The following PTPRG variants were observed in gnomAD, a reference collection of about 807,000 sequenced individuals.
PTPRG encodes protein tyrosine phosphatase receptor type G, also known as receptor-type tyrosine-protein phosphatase gamma.
A neutral mutation model predicts 165.3 loss-of-function variants in PTPRG; 102 were observed. The ratio of observed to expected loss-of-function variants is 0.62; its 90% CI spans 0.53 to 0.73. The LOEUF (loss-of-function observed/expected upper bound fraction) is 0.73, where lower values mean the gene tolerates loss of function less well. Ranked by LOEUF, PTPRG falls within the 30% of genes least tolerant of loss-of-function variation. The pLI, the probability that PTPRG is intolerant of heterozygous loss-of-function variation, is 0.00. For synonymous variants in PTPRG, 675 were observed against 669.5 expected, an observed-to-expected ratio of 1.01 and a Z score of -0.13; for missense variants, 1,866 against 1,861.4, an observed-to-expected ratio of 1.00 and a Z score of -0.05.
At chr3:62,096,432 T>C (rs1702110559) in intron 5 of PTPRG, among the ~76,000 whole-genome samples, 1 of 152,206 alleles carries the variant, frequency 6.6e-6, no homozygotes, top group South Asian at 2.1e-4. Flanking sequence ...CTGTCGTCTT[T>C]ATTTCTTGTT....
intron 5 of PTPRG, among the ~76,000 whole-genome samples, chr3:62,102,491 C>T (rs1310149370): frequency 2.0e-5 from 3 of 151,902 alleles, no homozygotes; most frequent in African/African-American, 7.3e-5. Flanking sequence ...CAGGCTGGTC[C>T]CGAACTCCTG....
At chr3:61,911,363 T>G (rs17065596) in intron 2 of PTPRG, among the ~76,000 whole-genome samples, 3,312 of 152,194 alleles carry the variant, frequency 0.022, 136 homozygotes, top group African/African-American at 0.076. Context: ...GATAAAAGAG[T>G]AGGCAAATTA....
intron 6 of PTPRG, among the ~76,000 whole-genome samples, chr3:62,134,207 C>T (rs1703623614): frequency 6.6e-6 from 1 of 152,132 alleles, no homozygotes; most frequent in African/African-American, 2.4e-5. Context: ...GGGAGGGTTG[C>T]CAAGATGCCC....
chr3:61,992,491 C>T (rs575892148), intron 3 of PTPRG, among the ~76,000 whole-genome samples: 1 of 152,098 alleles, frequency 6.6e-6, no homozygotes. Flanking sequence ...GCCTGAGTAA[C>T]TGGGATTACA....
At chr3:62,024,776 T>G (rs1237016300) in intron 4 of PTPRG, among the ~76,000 whole-genome samples, 2 of 152,228 alleles carry the variant, frequency 1.3e-5, no homozygotes, top group Non-Finnish European at 2.9e-5. Flanking sequence ...TGAATTTACT[T>G]AAATCAGTAG....
At chr3:61,875,090 A>G (rs1462276860) in intron 2 of PTPRG, among the ~76,000 whole-genome samples, 9 of 152,210 alleles carry the variant, frequency 5.9e-5, no homozygotes, top group Non-Finnish European at 1.2e-4. Flanking sequence ...AGGGAGATTC[A>G]GAGTGGATAA....
chr3:61,984,032 T>C (rs1268617984), intron 2 of PTPRG, among the ~76,000 whole-genome samples: 1 of 152,166 alleles, frequency 6.6e-6, no homozygotes, highest in Non-Finnish European at 1.5e-5. Flanking sequence ...AGATTTACAG[T>C]ATTTGCCATT....
chr3:61,592,321 A>C (rs1268512359), intron 1 of PTPRG, among the ~76,000 whole-genome samples: 1 of 152,028 alleles, frequency 6.6e-6, no homozygotes, highest in Non-Finnish European at 1.5e-5. Flanking sequence ...TTTTGTGCGG[A>C]GACTGTAAAG....
intron 4 of PTPRG, among the ~76,000 whole-genome samples, chr3:62,026,912 C>T (rs1337508154): frequency 8.7e-6 from 1 of 114,450 alleles, no homozygotes; most frequent in Non-Finnish European, 1.9e-5. Flanking sequence ...GAAAATTCTG[C>T]TTAGATTGTT....
intron 2 of PTPRG, among the ~76,000 whole-genome samples, chr3:61,797,086 A>G (rs896375011): frequency 6.6e-6 from 1 of 152,220 alleles, no homozygotes; most frequent in African/African-American, 2.4e-5. Flanking sequence ...GCCAGCCGGC[A>G]CAGAAATGTT....
chr3:62,096,414 A>G (rs965511659), intron 5 of PTPRG, among the ~76,000 whole-genome samples: 5 of 151,708 alleles, frequency 3.3e-5, no homozygotes, highest in African/African-American at 7.3e-5. Context: ...CTCATTTGAT[A>G]TTTTCTCCTG....
chr3:61,866,980 G>T (rs1030076985), intron 2 of PTPRG, among the ~76,000 whole-genome samples: 3 of 152,152 alleles, frequency 2.0e-5, no homozygotes, highest in Non-Finnish European at 2.9e-5. Context: ...GTTCAGGGAA[G>T]GGTTTGACAG....
intron 4 of PTPRG, among the ~76,000 whole-genome samples, chr3:62,055,659 C>T (rs1700609288): frequency 6.6e-6 from 1 of 152,168 alleles, no homozygotes; most frequent in Admixed American, 6.5e-5. Flanking sequence ...TTGGTTCCTT[C>T]TGAGGGCTGT....
intron 2 of PTPRG, among the ~76,000 whole-genome samples, chr3:61,883,880 T>C (rs2037957520): frequency 6.6e-6 from 1 of 152,076 alleles, no homozygotes; most frequent in South Asian, 2.1e-4. Flanking sequence ...CCTAGCTAAT[T>C]TCTGTTTTTG....
At chr3:62,234,437 TTC>T (rs1174496295) in intron 14 of PTPRG, among the ~76,000 whole-genome samples, 1 of 152,174 alleles carries the variant, frequency 6.6e-6, no homozygotes, top group Admixed American at 6.5e-5. Flanking sequence ...CAAGGTGGGC[TTC>T]TCTCTGCAGT....
chr3:61,965,879 A>G (rs2107650467), intron 2 of PTPRG, among the ~76,000 whole-genome samples: 1 of 152,346 alleles, frequency 6.6e-6, no homozygotes, highest in South Asian at 2.1e-4. Flanking sequence ...TGGTTCTAGG[A>G]TTCATGGTCT....
At chr3:61,622,462 G>C (rs1575544679) in intron 1 of PTPRG, among the ~76,000 whole-genome samples, 1 of 152,016 alleles carries the variant, frequency 6.6e-6, no homozygotes, top group African/African-American at 2.4e-5. Context: ...TTATTTTTAA[G>C]TGACAGATTG....
At chr3:62,258,521 A>C (rs1186451180) in intron 16 of PTPRG, among the ~76,000 whole-genome samples, 1 of 152,222 alleles carries the variant, frequency 6.6e-6, no homozygotes, top group Non-Finnish European at 1.5e-5. Context: ...ATTTCAGCAA[A>C]AATTCTCATC....
intron 12 of PTPRG, among the ~76,000 whole-genome samples, chr3:62,211,952 C>G (rs1700368172): frequency 6.6e-6 from 1 of 150,608 alleles, no homozygotes; most frequent in African/African-American, 2.4e-5. Context: ...AACTGTTTTT[C>G]TTTTCTTTTT....
Sources: gnomAD v4.1 joint callset for allele counts (sites outside exome capture counted in the v4.1 genomes callset) on GRCh38, gnomAD v4.1.1 for gene constraint, MANE v1.5 for transcripts, NCBI Gene and HGNC (gene_info 2026-07-23, HGNC 2026-07-21) for gene names.